MZF1: variants seen among roughly 807,000 people sequenced by gnomAD.
MZF1 encodes the protein zinc finger and SCAN domain-containing protein 6.
A neutral mutation model predicts 28.6 loss-of-function variants in MZF1; 24 were observed. The observed-to-expected ratio is 0.84, with a 90% confidence interval of 0.61 to 1.18. MZF1 has a LOEUF of 1.18. MZF1 is among the 50% of genes most tolerant of loss of function. The pLI is 0.00. For synonymous variants in MZF1, 516 were observed against 432.5 expected (o/e 1.19, Z -2.40); for missense variants, 1,166 against 1,026.4 (o/e 1.14, Z -1.86).
chr19:58,571,597 C>T (rs1295926903), intron 1 of MZF1, 168 bp from the exon 2 acceptor site: 2 of 624,134 alleles, frequency 3.2e-6, no homozygotes, highest in Non-Finnish European at 5.5e-6. Flanking sequence ...AGCTGGAAGC[C>T]CTCCCTTAGC....
In MZF1 at chr19:58,563,255, C is replaced by A; in HGVS notation, c.1022G>T (p.Arg341Leu). ...CCCAGTGCTGGGGCGGCCCCGGCTC[C>A]GGCCCCTGGGGGAGCGCCAGCGGGT... The part of the protein sequence containing the change: ...ITTRWRSPRG[R>L]SRGRPSTGGG... Residue 341 changes from arginine (R) to leucine (L), a missense_variant, in exon 6 of 6, where the codon CGG becomes CTG. Coordinates refer to ENST00000215057, the MANE Select transcript of MZF1 (RefSeq NM_198055.2). 1 of 1,607,652 alleles carries A rather than the reference C, an allele frequency of 6.2e-7. No homozygotes were observed. Among genetic ancestry groups the A allele is most frequent in the South Asian group, 1.1e-5 (1 of 90,446 alleles).
intron 5 of MZF1, among the ~76,000 whole-genome samples, chr19:58,566,428 C>G (rs1047650596): frequency 6.6e-6 from 1 of 150,978 alleles, no homozygotes; most frequent in Non-Finnish European, 1.5e-5. Context: ...GCCTGGGCAA[C>G]AAGAGCGAAA....
chr19:58,563,474 G>A lies in MZF1; in HGVS notation c.803C>T (p.Ala268Val). Residue 268 changes from alanine (A) to valine (V), a missense_variant, in exon 6 of 6, where the codon GCA (alanine) becomes GTA (valine). Coordinates refer to ENST00000215057, the MANE Select transcript of MZF1 (RefSeq NM_198055.2). Reference protein sequence around the residue: ...GFALQLGSISAGPGSVSPHLH... With the variant: ...GFALQLGSISVGPGSVSPHLH... ...GTGAGGGCTTACACTACCTGGACCT[G>A]CGGAGATGCTGCCTAGCTGCAGCGC... The A allele has an allele frequency of 2.6e-6, 4 of 1,563,344 alleles. No individual in the cohort carries two copies. The highest frequency in any genetic ancestry group is 3.5e-6 in the Non-Finnish European group (4 of 1,152,244).
intron 1 of MZF1, chr19:58,571,864 G>C (rs189985872): frequency 1.2e-5 from 2 of 169,574 alleles, no homozygotes; most frequent in African/African-American, 4.8e-5. Flanking sequence ...GTAGGGATGG[G>C]ATCTTACTAT....
In MZF1 at chr19:58,563,374, A is replaced by G. The variant is rs370130236; in HGVS notation, c.903T>C (p.Phe301=). 9.6e-5 allele frequency: 154 copies of G among 1,606,528 alleles called. No homozygotes were observed. The highest frequency in any genetic ancestry group is 1.2e-4 in the Non-Finnish European group (143 of 1,176,700). Residue 301 remains phenylalanine, a synonymous_variant, in exon 6 of 6, where the codon TTT becomes TTC. Transcript: ENST00000215057. The part of the protein sequence containing the change: ...QIQSPSREGG[F]AHALLLPSDL... ...CGCTGGGGAGCAGAAGCGCATGCGC[A>G]AAGCCACCTTCGCGGGAGGGTGATT...
rs1250868888 is a variant in MZF1 at position 58,562,673 on chromosome 19, T to C, written c.1604A>G (p.His535Arg). Reference sequence around the variant, plus strand: ...ACAGGCGAAGGGCCGCTCGCCACTGTGCACGCGCCGGTGCTGCAGCAGCAC... The same window carrying C: ...ACAGGCGAAGGGCCGCTCGCCACTGCGCACGCGCCGGTGCTGCAGCAGCAC... ...RSVLLQHRRV[H>R]SGERPFACAE... The change falls in exon 6 of 6, where the codon CAC becomes CGC. Residue 535 changes from histidine to arginine, a missense_variant. His to Arg is a conservative substitution (Grantham distance 29). Transcript: ENST00000215057. 2 of 1,541,018 alleles carry C rather than the reference T, an allele frequency of 1.3e-6. No homozygotes were observed. The highest frequency in any genetic ancestry group is 2.4e-5 in the East Asian group (1 of 41,316).
Position 58,562,211 on chromosome 19 carries a change from G to A in MZF1, c.2066C>T (p.Ala689Val). The A allele has an allele frequency of 6.2e-7, 1 of 1,608,146 alleles. No homozygotes were observed. Among genetic ancestry groups the A allele is most frequent in the Non-Finnish European group, 8.5e-7 (1 of 1,179,046 alleles). Residue 689 changes from alanine to valine, a missense_variant, in exon 6 of 6, where the codon GCC (alanine) becomes GTC (valine). Physicochemically the swap from Ala to Val is moderately conservative, Grantham distance 64. Transcript: ENST00000215057. Reference protein sequence around the residue: ...RPYACPECGKAFRQRPTLTQH... With the variant: ...RPYACPECGKVFRQRPTLTQH... ...CGTGAGCGTGGGCCGCTGGCGGAAG[G>A]CCTTGCCACACTCAGGGCATGCGTA...
In MZF1 at chr19:58,562,063, C is replaced by G. The variant is rs2053934660; in HGVS notation, c.*9G>C. The G allele has an allele frequency of 2.6e-6, 4 of 1,550,882 alleles. No homozygotes were observed. Among genetic ancestry groups the G allele is most frequent in the African/African-American group, 2.7e-5 (2 of 73,306 alleles). On this transcript the variant is annotated 3_prime_UTR_variant, in exon 6 of 6. Transcript: ENST00000215057. ...TGACCATGGCGGACACAGTGCGTCC[C>G]GGCTGGAGCTACTCGGCGCTGTGGA...
chr19:58,572,614 GA>G (rs776733586), intron 1 of MZF1: 1 of 1,289,714 alleles, frequency 7.8e-7, no homozygotes, highest in Non-Finnish European at 1.0e-6. Flanking sequence ...TTATGAAGGG[GA>G]TGGCACCGCA....
In MZF1 at chr19:58,562,983, T is replaced by G; in HGVS notation, c.1294A>C (p.Arg432=). 6.2e-7 allele frequency: 1 copy of G among 1,601,982 alleles called. No homozygotes were observed. The change falls in exon 6 of 6, where the codon AGA becomes CGA. Residue 432 remains arginine, a synonymous_variant. Coordinates refer to ENST00000215057, the MANE Select transcript of MZF1 (RefSeq NM_198055.2). ...VRSARLEEHR[R]VHTGEQPFRC... is the part of the protein sequence containing the mutation. Reference sequence around the variant, plus strand: ...AAAGGCTGTTCGCCCGTGTGCACTCTCCGATGCTCTTCCAGGCGCGCGCTG... The same window carrying G: ...AAAGGCTGTTCGCCCGTGTGCACTCGCCGATGCTCTTCCAGGCGCGCGCTG...
Position 58,562,294 on chromosome 19 carries a change from G to C in MZF1, c.1983C>G (p.Ser661Arg). The C allele has an allele frequency of 1.9e-6, 3 of 1,610,242 alleles. No individual in the cohort carries two copies. In the South Asian group the frequency reaches 3.3e-5, roughly 18 times the overall value. Residue 661 changes from serine to arginine, a missense_variant, in exon 6 of 6, where the codon AGC becomes AGG. Coordinates refer to ENST00000215057, the MANE Select transcript of MZF1 (RefSeq NM_198055.2). ...GGGTGAGGTTGGCGTGCTGCCGAAA[G>C]CTCTGGCCGCACTCGGGGCAGGCGA... Reference protein sequence around the residue: ...RPFACPECGQSFRQHANLTQH... With the variant: ...RPFACPECGQRFRQHANLTQH...
At chr19:58,567,818 T>C (rs895644161) in intron 5 of MZF1, among the ~76,000 whole-genome samples, 1 of 151,642 alleles carries the variant, frequency 6.6e-6, no homozygotes, top group Admixed American at 6.6e-5. Context: ...GAACACACTG[T>C]TTTTTTTTAA....
In MZF1 at chr19:58,569,935, A is replaced by G. The variant is rs182149911; in HGVS notation, c.581-349T>C. The stretch of plus-strand genomic sequence containing the variant: ...AGCTAGTTCAGGTGCCCTGCCTGGG[A>G]GGTGAAAGGGGTCATACCCCTAACA... On this transcript the variant is annotated intron_variant, in intron 3 of 5. Coordinates refer to ENST00000215057, the MANE Select transcript of MZF1 (RefSeq NM_198055.2). The G allele has an allele frequency of 6.3e-4, 203 of 319,996 alleles. 1 individual carries two copies. The highest frequency in any genetic ancestry group is 4.1e-3 in the African/African-American group (190 of 46,584). The allele number at this position is 319,996 out of a possible 1,614,324, so 19.8% of individuals were successfully genotyped here. A position where few individuals can be genotyped will look rare whatever the true frequency, so the allele number is the denominator to read the frequency against.
intron 5 of MZF1, among the ~76,000 whole-genome samples, chr19:58,567,014 C>T (rs2054071087): frequency 6.6e-6 from 1 of 152,060 alleles, no homozygotes; most frequent in Admixed American, 6.6e-5. Context: ...GTGATTCTCC[C>T]ACCTCAGCCT....
At chr19:58,565,724 G>C (rs1221497422) in intron 5 of MZF1, among the ~76,000 whole-genome samples, 1 of 147,314 alleles carries the variant, frequency 6.8e-6, no homozygotes, top group Non-Finnish European at 1.5e-5. Context: ...AGTAGAGACG[G>C]GGTTTCGCCG....
chr19:58,562,434 G>T lies in MZF1; in HGVS notation c.1843C>A (p.His615Asn), dbSNP rs147818011. 6.2e-7 allele frequency: 1 copy of T among 1,611,600 alleles called. No individual in the cohort carries two copies. The change falls in exon 6 of 6, where the codon CAT becomes AAT. Residue 615 changes from histidine (H) to asparagine (N), a missense_variant. Physicochemically the swap from His to Asn is moderately conservative, Grantham distance 68. Coordinates refer to ENST00000215057, the MANE Select transcript of MZF1 (RefSeq NM_198055.2). ...TTTTCGCCGGTGTGTGTCCTCTGAT[G>T]ACGCGTGAGCTTGAGGCGCTGGCTG... ...RFSQRLKLTR[H>N]QRTHTGEKPY...
chr19:58,572,741 G>A, intron 1 of MZF1: 2 of 700,156 alleles, frequency 2.9e-6, no homozygotes, highest in South Asian at 1.5e-5. Context: ...TTGGGTCATA[G>A]CCAAGATGGC....
intron 1 of MZF1, chr19:58,571,668 G>A: frequency 2.3e-6 from 1 of 434,716 alleles, no homozygotes. Context: ...CAGTCTCCCT[G>A]CTCCAAACAC....
chr19:58,563,589 T>C (rs2053982103), intron 5 of MZF1, 85 bp from the exon 6 acceptor site: 4 of 1,167,554 alleles, frequency 3.4e-6, no homozygotes, highest in East Asian at 2.6e-5. Flanking sequence ...CAGTGTGAAC[T>C]ACAGGGACCT....
Sources: gnomAD v4.1 joint callset for allele counts (sites outside exome capture counted in the v4.1 genomes callset) on GRCh38, gnomAD v4.1.1 for gene constraint, MANE v1.5 for transcripts, NCBI Gene and HGNC (gene_info 2026-07-23, HGNC 2026-07-21) for gene names.